The following NMNAT2 variants were observed in gnomAD, a reference collection of about 807,000 sequenced individuals.
NMNAT2 encodes nicotinamide nucleotide adenylyltransferase 2.
In NMNAT2, 11 loss-of-function variants were observed where a neutral mutation model predicts 41.6. The observed-to-expected ratio is 0.26, with a 90% confidence interval of 0.17 to 0.44. The LOEUF (loss-of-function observed/expected upper bound fraction) is 0.44, where lower values mean the gene tolerates loss of function less well. NMNAT2 is among the 20% of genes least tolerant of loss of function. The pLI is 1.00. For missense variants in NMNAT2, 288 were observed against 407.7 expected, an observed-to-expected ratio of 0.71 and a Z score of 2.53; for synonymous variants, 148 against 151.2, an observed-to-expected ratio of 0.98 and a Z score of 0.16.
intron 5 of NMNAT2, among the ~76,000 whole-genome samples, chr1:183,285,512 A>C (rs905925924): frequency 6.6e-6 from 1 of 152,164 alleles, no homozygotes; most frequent in Non-Finnish European, 1.5e-5. Context: ...TGAGCCCCCC[A>C]CATGTAGCTG....
In NMNAT2 at chr1:183,248,987, A is replaced by G. The variant is rs201539315; in HGVS notation, c.*3654T>C. Reference sequence around the variant, plus strand: ...TAAGTACAAGTTTTTTCTCCCTGTAATTCTCTGCCTTTTGCTGTAGTTCAG... The same window carrying G: ...TAAGTACAAGTTTTTTCTCCCTGTAGTTCTCTGCCTTTTGCTGTAGTTCAG... On this transcript the variant is annotated 3_prime_UTR_variant, in exon 11 of 11. Transcript: ENST00000287713. The G allele has an allele frequency of 6.8e-6, 1 of 147,576 alleles. No individual in the cohort carries two copies. Among genetic ancestry groups the G allele is most frequent in the Non-Finnish European group, 1.5e-5 (1 of 67,218 alleles). The allele number at this position is 147,576 out of a possible 1,614,324, so 9.1% of individuals were successfully genotyped here. A position where few individuals can be genotyped will look rare whatever the true frequency, so the allele number is the denominator to read the frequency against.
chr1:183,344,794 A>G (rs553333759), intron 1 of NMNAT2, among the ~76,000 whole-genome samples: 1 of 152,320 alleles, frequency 6.6e-6, no homozygotes, highest in East Asian at 1.9e-4. Flanking sequence ...TTTAAACGCT[A>G]TTTTACAAAT....
intron 10 of NMNAT2, among the ~76,000 whole-genome samples, chr1:183,259,937 G>C (rs1377808405): frequency 6.6e-6 from 1 of 152,154 alleles, no homozygotes. Context: ...TTACGTGTTC[G>C]TGGCTTTCAG....
chr1:183,297,291 A>G (rs1486214225), intron 1 of NMNAT2, among the ~76,000 whole-genome samples: 1 of 152,032 alleles, frequency 6.6e-6, no homozygotes, highest in African/African-American at 2.4e-5. Context: ...GTAAAAGTGC[A>G]TAGCGCTAAG....
At chr1:183,404,162 A>G (rs1445083032) in intron 1 of NMNAT2, among the ~76,000 whole-genome samples, 1 of 150,064 alleles carries the variant, frequency 6.7e-6, no homozygotes, top group Non-Finnish European at 1.5e-5. Flanking sequence ...GTGGTGGCAC[A>G]ATCTCAGCTC....
In NMNAT2 at chr1:183,375,098, C is replaced by T. The variant is rs1034378492; in HGVS notation, c.85+43085G>A. On this transcript the variant is annotated intron_variant, in intron 1 of 10. Coordinates refer to ENST00000287713, the MANE Select transcript of NMNAT2 (RefSeq NM_015039.4). ...GGAAGGCCTCTTAGGACAATCACCA[C>T]AGCTTCCTAACTCATGCCCCTACCC... is the stretch of plus-strand genomic sequence containing the variant. Among the ~76,000 whole-genome samples, 12 of 152,290 alleles carry T rather than the reference C, an allele frequency of 7.9e-5. No homozygotes were observed. In the South Asian group the frequency reaches 1.9e-3, roughly 24 times the overall value.
intron 3 of NMNAT2, 37 bp downstream of exon 3, chr1:183,292,753 C>G: frequency 3.1e-6 from 5 of 1,593,456 alleles, no homozygotes; most frequent in Non-Finnish European, 4.3e-6. Context: ...AGTAAGTCTC[C>G]GGGCCACTGC....
chr1:183,354,409 C>CTTTTT (rs67663742), intron 1 of NMNAT2, among the ~76,000 whole-genome samples: 11 of 89,652 alleles, frequency 1.2e-4, no homozygotes, highest in Non-Finnish European at 1.7e-4. Context: ...TCTTTAATGT[C>CTTTTT]TTTTTTTTTT....
intron 2 of NMNAT2, among the ~76,000 whole-genome samples, chr1:183,293,070 C>T (rs1201146190): frequency 6.6e-6 from 1 of 152,168 alleles, no homozygotes; most frequent in African/African-American, 2.4e-5. Context: ...GTGGTATATA[C>T]CACCCCAACA....
intron 1 of NMNAT2, 122 bp downstream of exon 1, chr1:183,418,061 G>A: frequency 3.4e-6 from 3 of 883,946 alleles, no homozygotes; most frequent in East Asian, 4.9e-5. Context: ...CCACCAGCTG[G>A]ATGAGCCGGC....
intron 7 of NMNAT2, among the ~76,000 whole-genome samples, chr1:183,281,622 A>C (rs907691271): frequency 6.6e-6 from 1 of 152,194 alleles, no homozygotes; most frequent in African/African-American, 2.4e-5. Flanking sequence ...AAGCGGCCCC[A>C]GCAGGGCTTG....
At chr1:183,324,737 C>T (rs771970511) in intron 1 of NMNAT2, among the ~76,000 whole-genome samples, 3 of 152,158 alleles carry the variant, frequency 2.0e-5, no homozygotes, top group Admixed American at 1.3e-4. Context: ...TTCCCTGTGC[C>T]GCCCTTTATC....
intron 1 of NMNAT2, among the ~76,000 whole-genome samples, chr1:183,367,614 TA>T (rs921441984): frequency 2.6e-5 from 4 of 152,234 alleles, no homozygotes; most frequent in African/African-American, 9.6e-5. Flanking sequence ...GGCGTAGCAG[TA>T]ACTTTTACAT....
At chr1:183,314,303 G>GTGTT in intron 1 of NMNAT2, among the ~76,000 whole-genome samples, 1 of 152,114 alleles carries the variant, frequency 6.6e-6, no homozygotes, top group Non-Finnish European at 1.5e-5. Context: ...TGTCTCAAAT[G>GTGTT]CTCTTCCCTA....
intron 1 of NMNAT2, among the ~76,000 whole-genome samples, chr1:183,314,257 C>G (rs997164670): frequency 6.6e-6 from 1 of 152,166 alleles, no homozygotes; most frequent in African/African-American, 2.4e-5. Context: ...TGCCCTTTTC[C>G]CCCAGCAACA....
intron 10 of NMNAT2, 81 bp from the exon 11 acceptor site, chr1:183,252,824 G>C: frequency 1.0e-6 from 1 of 1,004,280 alleles, no homozygotes; most frequent in South Asian, 1.3e-5. Context: ...TGTCTCCCCA[G>C]CACCCCATTT....
At chr1:183,416,308 A>G (rs568787255) in intron 1 of NMNAT2, among the ~76,000 whole-genome samples, 1 of 152,372 alleles carries the variant, frequency 6.6e-6, no homozygotes, top group South Asian at 2.1e-4. Context: ...TCTTAGAGCC[A>G]CAGAGTTTCA....
chr1:183,254,067 C>T (rs1660460341), intron 10 of NMNAT2, among the ~76,000 whole-genome samples: 1 of 152,108 alleles, frequency 6.6e-6, no homozygotes, highest in Non-Finnish European at 1.5e-5. Flanking sequence ...GATACCTTTA[C>T]AAGGTGGTGA....
chr1:183,336,349 A>C (rs1020814385), intron 1 of NMNAT2, among the ~76,000 whole-genome samples: 4 of 152,224 alleles, frequency 2.6e-5, no homozygotes, highest in African/African-American at 9.6e-5. Flanking sequence ...AAATCAAATA[A>C]ATGCAAAAGA....
Sources: allele counts gnomAD v4.1 joint callset (sites outside exome capture counted in the v4.1 genomes callset), GRCh38; gene constraint gnomAD v4.1.1; transcripts MANE v1.5; gene names NCBI Gene and HGNC (gene_info 2026-07-23, HGNC 2026-07-21).